RBFOX1: variants seen among roughly 807,000 people sequenced by gnomAD.
The protein encoded by RBFOX1 is RNA binding protein fox-1 homolog 1.
RBFOX1 carries 8 observed loss-of-function variants against 57.7 expected under a neutral mutation model. The observed-to-expected ratio is 0.14, with a 90% CI of 0.08 to 0.25. The LOEUF (loss-of-function observed/expected upper bound fraction) is 0.25. Among genes scored for constraint, RBFOX1 ranks in the 10% least tolerant of loss-of-function variants. The probability of loss-of-function intolerance (pLI) is 1.00; values close to 1 mark genes in which losing one functional copy is unlikely to be tolerated. For missense variants in RBFOX1, 611 were observed against 548.5 expected (o/e 1.11, Z -1.14); for synonymous variants, 326 against 222.4 (o/e 1.47, Z -4.15).
intron 3 of RBFOX1, among the ~76,000 whole-genome samples, chr16:5,690,074 G>A (rs558349706): frequency 5.3e-5 from 8 of 152,208 alleles, no homozygotes; most frequent in Non-Finnish European, 1.0e-4. Flanking sequence ...AGTGGTCAGG[G>A]AGAGAGGAGT....
chr16:5,616,585 TCTCC>T (rs1452358439), intron 3 of RBFOX1, among the ~76,000 whole-genome samples: 1 of 141,834 alleles, frequency 7.1e-6, no homozygotes, highest in African/African-American at 2.6e-5. Context: ...CCCTTCTCCC[TCTCC>T]CTCCTCCTCC....
At chr16:7,393,609 A>T (rs567766733) in intron 4 of RBFOX1, among the ~76,000 whole-genome samples, 2 of 152,110 alleles carry the variant, frequency 1.3e-5, no homozygotes, top group Non-Finnish European at 2.9e-5. Flanking sequence ...AGGCAGAGGA[A>T]GGTATGGTTT....
At chr16:6,551,048 G>A (rs1196969822) in intron 2 of RBFOX1, among the ~76,000 whole-genome samples, 2 of 152,114 alleles carry the variant, frequency 1.3e-5, no homozygotes, top group Non-Finnish European at 2.9e-5. Flanking sequence ...TGTTTCTCTT[G>A]GGGGCCCCAG....
At chr16:6,649,542 A>G (rs1466311904) in intron 2 of RBFOX1, among the ~76,000 whole-genome samples, 4 of 152,138 alleles carry the variant, frequency 2.6e-5, no homozygotes, top group South Asian at 2.1e-4. Context: ...TGAGTCCGCA[A>G]AGTCCACTGT....
At chr16:5,921,038 C>T (rs371447715) in intron 4 of RBFOX1, among the ~76,000 whole-genome samples, 9 of 152,120 alleles carry the variant, frequency 5.9e-5, no homozygotes, top group South Asian at 2.1e-4. Context: ...ATTCCTGCTC[C>T]GTCTCTGATG....
chr16:6,990,572 T>C (rs1305405944), intron 3 of RBFOX1, among the ~76,000 whole-genome samples: 1 of 152,122 alleles, frequency 6.6e-6, no homozygotes, highest in African/African-American at 2.4e-5. Flanking sequence ...GATGATACTG[T>C]GTCCCATAAA....
At chr16:5,985,003 G>C (rs2060258223) in intron 4 of RBFOX1, among the ~76,000 whole-genome samples, 1 of 92,676 alleles carries the variant, frequency 1.1e-5, no homozygotes, top group Non-Finnish European at 2.0e-5. Flanking sequence ...TTTTCTTTGA[G>C]ACAGAGTTTC....
intron 3 of RBFOX1, among the ~76,000 whole-genome samples, chr16:6,861,669 A>C (rs560429016): frequency 4.2e-4 from 64 of 151,516 alleles, no homozygotes; most frequent in African/African-American, 1.5e-3. Flanking sequence ...AACCTCCTCT[A>C]TTTTTCACTG....
At chr16:7,411,325 C>T (rs114165071) in intron 4 of RBFOX1, among the ~76,000 whole-genome samples, 1,871 of 152,188 alleles carry the variant, frequency 0.012, 43 homozygotes, top group African/African-American at 0.043. Flanking sequence ...TCTCATCCTC[C>T]TCAGTTTAGC....
intron 2 of RBFOX1, among the ~76,000 whole-genome samples, chr16:6,391,990 T>C (rs2092625797): frequency 6.6e-6 from 1 of 152,220 alleles, no homozygotes; most frequent in South Asian, 2.1e-4. Context: ...TTTTGAAGAA[T>C]AAGTAGGATT....
intron 4 of RBFOX1, among the ~76,000 whole-genome samples, chr16:5,993,697 A>G (rs775568378): frequency 1.3e-5 from 2 of 152,186 alleles, no homozygotes; most frequent in Non-Finnish European, 2.9e-5. Flanking sequence ...GTGTCGCTGC[A>G]TTAATTAATA....
intron 3 of RBFOX1, among the ~76,000 whole-genome samples, chr16:5,709,682 A>G (rs2051379958): frequency 6.8e-6 from 1 of 146,002 alleles, no homozygotes; most frequent in African/African-American, 2.5e-5. Context: ...TTCATTCAGG[A>G]GTTGAAATTC....
At chr16:6,473,335 G>C (rs2095220708) in intron 2 of RBFOX1, among the ~76,000 whole-genome samples, 1 of 152,030 alleles carries the variant, frequency 6.6e-6, no homozygotes, top group South Asian at 2.1e-4. Context: ...ATTAATCCTT[G>C]AACGAAACAA....
At chr16:5,792,562 G>A (rs937326910) in intron 3 of RBFOX1, among the ~76,000 whole-genome samples, 3 of 152,184 alleles carry the variant, frequency 2.0e-5, no homozygotes, top group Admixed American at 1.3e-4. Flanking sequence ...CATAAATATG[G>A]CTGGGTGCAG....
At chr16:6,574,718 C>T (rs1216395584) in intron 2 of RBFOX1, among the ~76,000 whole-genome samples, 7 of 136,238 alleles carry the variant, frequency 5.1e-5, no homozygotes, top group East Asian at 2.6e-4. Flanking sequence ...GTGACTACCG[C>T]GCCCGGCCCG....
At chr16:6,986,920 C>T (rs979090874) in intron 3 of RBFOX1, among the ~76,000 whole-genome samples, 3 of 152,100 alleles carry the variant, frequency 2.0e-5, no homozygotes, top group South Asian at 2.1e-4. Context: ...TCTAATCCAC[C>T]CCTTGCTCAC....
chr16:5,506,733 C>A (rs1446222045), intron 2 of RBFOX1, among the ~76,000 whole-genome samples: 1 of 152,076 alleles, frequency 6.6e-6, no homozygotes, highest in East Asian at 1.9e-4. Flanking sequence ...ATCTTGATCT[C>A]CAAGACCCCT....
intron 3 of RBFOX1, among the ~76,000 whole-genome samples, chr16:6,972,904 A>G: frequency 6.6e-6 from 1 of 152,192 alleles, no homozygotes; most frequent in East Asian, 1.9e-4. Context: ...TGGGTGGATC[A>G]CTTGAGGTCA....
chr16:7,650,832 A>T (rs1478222618), intron 11 of RBFOX1, among the ~76,000 whole-genome samples: 1 of 152,188 alleles, frequency 6.6e-6, no homozygotes, highest in African/African-American at 2.4e-5. Context: ...CTGTGGCAAG[A>T]CAGATTTGGA....
Sources: allele counts gnomAD v4.1 joint callset (sites outside exome capture counted in the v4.1 genomes callset), GRCh38; gene constraint gnomAD v4.1.1; transcripts MANE v1.5; gene names NCBI Gene and HGNC (gene_info 2026-07-23, HGNC 2026-07-21).